Variants in MTX2 observed in about 807,000 individuals in gnomAD.
MTX2 encodes the protein metaxin-2.
In MTX2, 35 loss-of-function variants were observed where a neutral mutation model predicts 42.3. That is an observed-to-expected ratio of 0.83 (90% CI 0.63 to 1.10). MTX2 has a LOEUF of 1.10. MTX2 is among the 50% of genes least tolerant of loss of function. MTX2 has a pLI of 0.00. For missense variants in MTX2, 307 were observed against 304.1 expected, an observed-to-expected ratio of 1.01 and a Z score of -0.07; for synonymous variants, 119 against 100.9, an observed-to-expected ratio of 1.18 and a Z score of -1.08.
At chr2:176,272,219 T>C (rs1692832476) in intron 1 of MTX2, among the ~76,000 whole-genome samples, 1 of 151,962 alleles carries the variant, frequency 6.6e-6, no homozygotes, top group Non-Finnish European at 1.5e-5. Context: ...AGAAACAGAA[T>C]AGAAAGGTGG....
chr2:176,334,259 T>A (rs1308842578), intron 9 of MTX2, among the ~76,000 whole-genome samples: 5 of 151,880 alleles, frequency 3.3e-5, no homozygotes. Context: ...TCTATACTAC[T>A]GGAAGTTGCA....
At chr2:176,295,555 A>G (rs1403785158) in intron 1 of MTX2, among the ~76,000 whole-genome samples, 1 of 152,168 alleles carries the variant, frequency 6.6e-6, no homozygotes, top group African/African-American at 2.4e-5. Flanking sequence ...CAGCATACAA[A>G]ACTATGTGTA....
At chr2:176,296,718 T>A in intron 1 of MTX2, 142 bp from the exon 2 acceptor site, 1 of 745,234 alleles carries the variant, frequency 1.3e-6, no homozygotes, top group Non-Finnish European at 2.3e-6. Flanking sequence ...GAATCTAAGA[T>A]AGTGTGATTA....
chr2:176,303,568 A>G (rs955609059), intron 3 of MTX2, among the ~76,000 whole-genome samples: 1 of 152,238 alleles, frequency 6.6e-6, no homozygotes, highest in African/African-American at 2.4e-5. Context: ...ATTTATGCTC[A>G]TAAGACCTTG....
intron 1 of MTX2, among the ~76,000 whole-genome samples, chr2:176,290,345 G>T (rs34114273): frequency 0.06 from 9,071 of 152,044 alleles, 301 homozygotes; most frequent in Non-Finnish European, 0.08. Context: ...CTTTCTCCTT[G>T]GTCAAAAAGG....
At chr2:176,311,850 C>A (rs6751724) in intron 3 of MTX2, among the ~76,000 whole-genome samples, 1 of 152,072 alleles carries the variant, frequency 6.6e-6, no homozygotes, top group African/African-American at 2.4e-5. Flanking sequence ...TGACCCCTTG[C>A]GCTTCCTGGG....
chr2:176,319,314 A>G (rs957847259), intron 3 of MTX2, among the ~76,000 whole-genome samples: 2 of 152,182 alleles, frequency 1.3e-5, no homozygotes, highest in Non-Finnish European at 2.9e-5. Context: ...GCGGAAGGTG[A>G]CAGTGAGCCT....
chr2:176,293,610 C>G (rs963761806), intron 1 of MTX2, among the ~76,000 whole-genome samples: 1 of 152,100 alleles, frequency 6.6e-6, no homozygotes, highest in Non-Finnish European at 1.5e-5. Context: ...CCTGCTCTTG[C>G]TGTGTGTGAC....
At chr2:176,304,436 A>G (rs974164575) in intron 3 of MTX2, 2 of 152,336 alleles carry the variant, frequency 1.3e-5, no homozygotes, top group African/African-American at 4.8e-5. Context: ...ATGTTAAACT[A>G]CAAATATGGC....
At chr2:176,322,685 T>C (rs1218684403) in intron 3 of MTX2, among the ~76,000 whole-genome samples, 4 of 152,182 alleles carry the variant, frequency 2.6e-5, no homozygotes, top group South Asian at 2.1e-4. Flanking sequence ...TGCATTTTTT[T>C]ACTTAATATT....
chr2:176,337,728 A>C lies in MTX2; in HGVS notation c.*64A>C. The C allele has an allele frequency of 7.1e-7, 1 of 1,416,874 alleles. No homozygotes were observed. Among genetic ancestry groups the C allele is most frequent in the Non-Finnish European group, 9.4e-7 (1 of 1,061,650 alleles). The allele number at this position is 1,416,874 out of a possible 1,614,324, so 87.8% of individuals were successfully genotyped here. A position where few individuals can be genotyped will look rare whatever the true frequency, so the allele number is the denominator to read the frequency against. On this transcript the variant is annotated 3_prime_UTR_variant, in exon 10 of 10. Transcript: ENST00000249442. ...ATGTTTTACTTGAATGTTACATTAG[A>C]TATTGGTGTCAGAATTTTAAAACCA...
chr2:176,327,957 AC>A (rs1276429162), intron 5 of MTX2, among the ~76,000 whole-genome samples: 1 of 151,114 alleles, frequency 6.6e-6, no homozygotes, highest in Admixed American at 6.6e-5. Flanking sequence ...TATAAACAGC[AC>A]ATGTCAGTCT....
In MTX2 at chr2:176,336,386, G is replaced by A. The variant is rs1483934785; in HGVS notation, c.621-1107G>A. 1.1e-4 allele frequency among the ~76,000 whole-genome samples: 16 copies of A among 152,190 alleles called. No homozygotes were observed. In the South Asian group the frequency reaches 3.3e-3, roughly 32 times the overall value. On this transcript the variant is annotated intron_variant, in intron 9 of 9. Coordinates refer to ENST00000249442, the MANE Select transcript of MTX2 (RefSeq NM_006554.5). ...TTCAGAAATCTAAGTTACTTTAAAT[G>A]TGGTAAAATTAAAGTTGTGTCTTGT...
intron 4 of MTX2, among the ~76,000 whole-genome samples, chr2:176,324,319 ATTG>A (rs937859562): frequency 4.0e-5 from 6 of 151,490 alleles, no homozygotes; most frequent in Admixed American, 2.6e-4. Context: ...GGTGGTAGAA[ATTG>A]TTAAAAGGTA....
chr2:176,270,090 C>T, intron 1 of MTX2: 1 of 310,256 alleles, frequency 3.2e-6, no homozygotes, highest in Non-Finnish European at 6.1e-6. Flanking sequence ...CAGTTGTTAC[C>T]TATTGTTGAG....
chr2:176,330,739 T>C (rs1171916608), intron 9 of MTX2, 79 bp downstream of exon 9: 1 of 967,258 alleles, frequency 1.0e-6, no homozygotes, highest in East Asian at 2.4e-5. Context: ...AAGAATTGCT[T>C]TTTCAAGAAA....
At chr2:176,332,934 G>A (rs1684895465) in intron 9 of MTX2, among the ~76,000 whole-genome samples, 1 of 151,202 alleles carries the variant, frequency 6.6e-6, no homozygotes, top group Admixed American at 6.6e-5. Context: ...AATCTTAAAT[G>A]GAAAATGTTA....
intron 1 of MTX2, among the ~76,000 whole-genome samples, chr2:176,286,285 G>A (rs571925922): frequency 5.7e-4 from 87 of 152,190 alleles, no homozygotes; most frequent in Non-Finnish European, 1.0e-3. Flanking sequence ...TGAGTTTTGC[G>A]GAATCTTAAT....
intron 1 of MTX2, among the ~76,000 whole-genome samples, chr2:176,287,897 C>CTT (rs35080426): frequency 1.1e-4 from 16 of 140,276 alleles, no homozygotes; most frequent in Non-Finnish European, 1.7e-4. Context: ...ATACTGACTG[C>CTT]TTTTTTTTTT....
Sources: allele counts gnomAD v4.1 joint callset (sites outside exome capture counted in the v4.1 genomes callset), GRCh38; gene constraint gnomAD v4.1.1; transcripts MANE v1.5; gene names NCBI Gene and HGNC (gene_info 2026-07-23, HGNC 2026-07-21).